MTBP: variants seen among roughly 807,000 people sequenced by gnomAD.
The protein encoded by MTBP is MDM2 binding protein, also known as mdm2-binding protein.
In MTBP, 101 loss-of-function variants were observed where a neutral mutation model predicts 117.0. The observed-to-expected ratio is 0.86, with a 90% CI of 0.73 to 1.02. The LOEUF (loss-of-function observed/expected upper bound fraction) is 1.02. Ranked by LOEUF, MTBP falls within the 50% of genes least tolerant of loss-of-function variation. The pLI, the probability that MTBP is intolerant of heterozygous loss-of-function variation, is 0.00. For missense variants in MTBP, 970 were observed against 1,030.9 expected (o/e 0.94, Z 0.81); for synonymous variants, 350 against 351.5 (o/e 1.00, Z 0.05).
chr8:120,515,883 C>G (rs765152574), intron 17 of MTBP, 42 bp from the exon 18 acceptor site: 18 of 1,575,166 alleles, frequency 1.1e-5, no homozygotes, highest in South Asian at 1.0e-4. Context: ...GTCTGTTGCT[C>G]TCATGGAGGT....
intron 11 of MTBP, among the ~76,000 whole-genome samples, chr8:120,480,235 C>CAA (rs33996388): frequency 0.55 from 72,443 of 132,060 alleles, 21,498 homozygotes; most frequent in Non-Finnish European, 0.68. Flanking sequence ...CCCGTCTCTA[C>CAA]AAAAAAAAAA....
chr8:120,495,605 C>A (rs1367677039), intron 13 of MTBP, among the ~76,000 whole-genome samples: 2 of 151,880 alleles, frequency 1.3e-5, no homozygotes, highest in South Asian at 4.2e-4. Context: ...CTTTTCTGGA[C>A]AGAATGCCTG....
At chr8:120,507,171 C>A (rs979672809) in intron 16 of MTBP, among the ~76,000 whole-genome samples, 6 of 151,960 alleles carry the variant, frequency 3.9e-5, no homozygotes, top group African/African-American at 1.5e-4. Flanking sequence ...ATTTGACTTA[C>A]AAAATTTTTT....
At chr8:120,462,184 G>A (rs1813594843) in intron 9 of MTBP, among the ~76,000 whole-genome samples, 1 of 152,150 alleles carries the variant, frequency 6.6e-6, no homozygotes, top group South Asian at 2.1e-4. Flanking sequence ...ATCATACAAG[G>A]ATTATAAGCC....
chr8:120,490,609 T>G, intron 13 of MTBP, 39 bp downstream of exon 13: 1 of 1,357,344 alleles, frequency 7.4e-7, no homozygotes, highest in East Asian at 2.3e-5. Flanking sequence ...ACCCTAAAAA[T>G]GTTGACTTGT....
At chr8:120,507,503 C>G (rs1020992973) in intron 16 of MTBP, among the ~76,000 whole-genome samples, 1 of 151,918 alleles carries the variant, frequency 6.6e-6, no homozygotes, top group African/African-American at 2.4e-5. Context: ...ACTAATTACT[C>G]TAATGTCTTT....
At chr8:120,519,627 A>G (rs562113473) in intron 20 of MTBP, among the ~76,000 whole-genome samples, 10 of 152,296 alleles carry the variant, frequency 6.6e-5, no homozygotes, top group African/African-American at 2.4e-4. Context: ...TGTTTTTAAT[A>G]CATATTGAAC....
At chr8:120,455,119 G>T (rs1490484952) in intron 5 of MTBP, among the ~76,000 whole-genome samples, 1 of 151,698 alleles carries the variant, frequency 6.6e-6, no homozygotes, top group Non-Finnish European at 1.5e-5. Context: ...TCATGAGAGT[G>T]ATGTGTGTAA....
At chr8:120,489,474 T>C (rs1025065853) in intron 12 of MTBP, among the ~76,000 whole-genome samples, 7 of 152,294 alleles carry the variant, frequency 4.6e-5, no homozygotes, top group Admixed American at 2.6e-4. Flanking sequence ...GCATGTCCAA[T>C]AATTAGCAGT....
At chr8:120,479,736 A>C (rs1480661813) in intron 11 of MTBP, among the ~76,000 whole-genome samples, 1 of 152,256 alleles carries the variant, frequency 6.6e-6, no homozygotes, top group Non-Finnish European at 1.5e-5. Flanking sequence ...ACACTTCCAA[A>C]TAACCTATAG....
chr8:120,515,138 A>C (rs1393804090), intron 17 of MTBP, among the ~76,000 whole-genome samples: 2 of 152,064 alleles, frequency 1.3e-5, no homozygotes, highest in African/African-American at 4.8e-5. Flanking sequence ...ATGACAGGTC[A>C]CAGAGAAAGG....
chr8:120,473,787 A>G (rs1813874074), intron 11 of MTBP: 2 of 152,116 alleles, frequency 1.3e-5, no homozygotes, highest in Non-Finnish European at 2.9e-5. Flanking sequence ...CTGAGTGGCA[A>G]TATAGTCAAT....
Position 120,490,587 on chromosome 8 carries a change from G to A in MTBP, c.1447+17G>A, listed in dbSNP as rs769420178. On this transcript the variant is annotated intron_variant, in intron 13 of 21. Transcript: ENST00000305949. ...AATGCCTAAGTAAGTAACAATTTGT[G>A]TATTTTATCCTACCCTAAAAATGTT... The A allele has an allele frequency of 3.3e-6, 5 of 1,509,468 alleles. No homozygotes were observed. The East Asian group carries it at 9.1e-5, about 28-fold the overall frequency. 93.5% of individuals were successfully genotyped at this position (1,509,468 alleles called of 1,614,324 possible).
intron 11 of MTBP, among the ~76,000 whole-genome samples, chr8:120,479,235 A>C (rs1814016716): frequency 6.6e-6 from 1 of 152,134 alleles, no homozygotes; most frequent in Non-Finnish European, 1.5e-5. Context: ...ATATACCCTC[A>C]TGAGAAACCT....
In MTBP at chr8:120,495,017, T is replaced by C. The variant is rs544633053; in HGVS notation, c.1448-2376T>C. ...TGATTGCTTATATCTTGCTAATATC[T>C]TGAAGATTTCCCTTTCCTCTTTTCT... On this transcript the variant is annotated intron_variant, in intron 13 of 21. Coordinates refer to ENST00000305949, the MANE Select transcript of MTBP (RefSeq NM_022045.5). Among the ~76,000 whole-genome samples the C allele has an allele frequency of 3.3e-5, 5 of 152,300 alleles. No individual in the cohort carries two copies. The South Asian group carries it at 1.0e-3, about 32-fold the overall frequency.
At chr8:120,497,357 T>C (rs1218961691) in intron 13 of MTBP, 36 bp from the exon 14 acceptor site, 2 of 1,556,002 alleles carry the variant, frequency 1.3e-6, no homozygotes, top group East Asian at 4.7e-5. Context: ...CTCCAGAGAA[T>C]ACAAAATAAG....
rs1193973223 is a variant in MTBP at position 120,451,254 on chromosome 8, ATGTT to A, written c.360_363del (p.Cys120TrpfsTer46). 8 of 1,612,726 alleles carry A rather than the reference ATGTT, an allele frequency of 5.0e-6. No homozygotes were observed. Among genetic ancestry groups the A allele is most frequent in the East Asian group, 2.2e-5 (1 of 44,744 alleles). ...ATGTTCTTCAAACGAATATCGAAGA[ATGTT>A]TGGGTGCTGTTGAGTGTTTTGAAGA... On this transcript the variant is annotated frameshift_variant, in exon 4 of 22. Coordinates refer to ENST00000305949, the MANE Select transcript of MTBP (RefSeq NM_022045.5). LOFTEE classifies it high-confidence loss of function.
At chr8:120,497,657 C>A in intron 14 of MTBP, 103 bp downstream of exon 14, 1 of 720,708 alleles carries the variant, frequency 1.4e-6, no homozygotes, top group Non-Finnish European at 2.2e-6. Context: ...AAATGTATTT[C>A]ACAAATTTAA....
chr8:120,500,359 C>A (rs1301607227), intron 14 of MTBP, among the ~76,000 whole-genome samples: 1 of 152,064 alleles, frequency 6.6e-6, no homozygotes, highest in East Asian at 1.9e-4. Context: ...CCACCTATTT[C>A]TTAATATTTA....
Sources: allele counts gnomAD v4.1 joint callset (sites outside exome capture counted in the v4.1 genomes callset), GRCh38; gene constraint gnomAD v4.1.1; transcripts MANE v1.5; gene names NCBI Gene and HGNC (gene_info 2026-07-23, HGNC 2026-07-21).